Variants in GRID2 observed in about 807,000 individuals in gnomAD.
GRID2 encodes the protein glutamate receptor ionotropic, delta-2.
Under a neutral mutation model 114.8 loss-of-function variants are expected in GRID2, and 33 were observed. That is an observed-to-expected ratio of 0.29 (90% CI 0.22 to 0.38). The LOEUF (loss-of-function observed/expected upper bound fraction) is 0.38, where lower values mean the gene tolerates loss of function less well. Ranked by LOEUF, GRID2 falls within the 10% of genes least tolerant of loss-of-function variation. GRID2 has a pLI of 1.00. For missense variants in GRID2, 1,184 were observed against 1,257.7 expected (o/e 0.94, Z 0.89); for synonymous variants, 505 against 449.9 (o/e 1.12, Z -1.55).
intron 1 of GRID2, among the ~76,000 whole-genome samples, chr4:93,787,431 G>T (rs557833166): frequency 1.3e-5 from 2 of 152,108 alleles, no homozygotes; most frequent in Non-Finnish European, 2.9e-5. Context: ...AATAAGCAAG[G>T]TTCTGTCTAA....
chr4:92,586,247 G>A (rs1048163875), intron 1 of GRID2, among the ~76,000 whole-genome samples: 27 of 151,790 alleles, frequency 1.8e-4, no homozygotes, highest in African/African-American at 6.3e-4. Flanking sequence ...AGTTGGTTAG[G>A]TTAGTGAACT....
At chr4:93,566,547 A>G (rs1735440127) in intron 13 of GRID2, among the ~76,000 whole-genome samples, 1 of 152,086 alleles carries the variant, frequency 6.6e-6, no homozygotes, top group African/African-American at 2.4e-5. Context: ...AGGCGGGTGG[A>G]TTGCTTGAGG....
intron 11 of GRID2, among the ~76,000 whole-genome samples, chr4:93,474,436 A>AAAG (rs1725130165): frequency 6.6e-6 from 1 of 152,154 alleles, no homozygotes; most frequent in South Asian, 2.1e-4. Flanking sequence ...ACTTGGTCTA[A>AAAG]GTAAATTATT....
At chr4:93,146,024 G>A (rs1736196110) in intron 4 of GRID2, among the ~76,000 whole-genome samples, 4 of 151,946 alleles carry the variant, frequency 2.6e-5, no homozygotes, top group Admixed American at 1.3e-4. Flanking sequence ...AAAACTGCAA[G>A]CAAATTCCCA....
At chr4:93,293,836 A>C (rs1579572193) in intron 8 of GRID2, among the ~76,000 whole-genome samples, 1 of 152,194 alleles carries the variant, frequency 6.6e-6, no homozygotes, top group East Asian at 1.9e-4. Context: ...CGTGCCTACT[A>C]TGTGCCAGGC....
intron 2 of GRID2, among the ~76,000 whole-genome samples, chr4:92,622,532 A>G (rs538621121): frequency 5.3e-5 from 8 of 151,774 alleles, no homozygotes; most frequent in Non-Finnish European, 1.0e-4. Flanking sequence ...TTTTGGAATA[A>G]TACTATTTTT....
chr4:92,991,880 C>T lies in GRID2; in HGVS notation c.245-93115C>T, dbSNP rs556130844. On this transcript the variant is annotated intron_variant, in intron 2 of 15. Transcript: ENST00000282020. Reference sequence around the variant, plus strand: ...CAAAACAAACAAACAAAACACATTACCACATTACAGGATACATAGGAGTGA... The same window carrying T: ...CAAAACAAACAAACAAAACACATTATCACATTACAGGATACATAGGAGTGA... Among the ~76,000 whole-genome samples, 209 of 152,188 alleles carry T rather than the reference C, an allele frequency of 1.4e-3. 1 individual carries two copies. Among genetic ancestry groups the T allele is most frequent in the African/African-American group, 4.8e-3 (201 of 41,526 alleles).
intron 1 of GRID2, among the ~76,000 whole-genome samples, chr4:92,559,456 G>A (rs1727013383): frequency 6.6e-6 from 1 of 152,134 alleles, no homozygotes; most frequent in African/African-American, 2.4e-5. Context: ...GCCTCAATGA[G>A]TACTTCCTTT....
chr4:93,616,065 G>A (rs1381655793), intron 13 of GRID2, among the ~76,000 whole-genome samples: 1 of 152,184 alleles, frequency 6.6e-6, no homozygotes, highest in East Asian at 1.9e-4. Context: ...GTCTAAAGGA[G>A]CTAGTTATCT....
intron 3 of GRID2, among the ~76,000 whole-genome samples, chr4:93,102,354 G>C (rs977425793): frequency 6.6e-6 from 1 of 152,124 alleles, no homozygotes; most frequent in Non-Finnish European, 1.5e-5. Flanking sequence ...TGCATAATAA[G>C]TATTGACAAA....
intron 14 of GRID2, among the ~76,000 whole-genome samples, chr4:93,684,392 G>T (rs1414715849): frequency 6.6e-6 from 1 of 152,068 alleles, no homozygotes; most frequent in Admixed American, 6.6e-5. Context: ...ATAATATATT[G>T]ATGCTGAAGG....
At chr4:92,681,425 G>A (rs1306921529) in intron 2 of GRID2, among the ~76,000 whole-genome samples, 4 of 151,986 alleles carry the variant, frequency 2.6e-5, no homozygotes, top group Non-Finnish European at 5.9e-5. Context: ...TTGTCCTTGC[G>A]ATAGTTTGCT....
At chr4:92,991,056 C>T (rs180983510) in intron 2 of GRID2, among the ~76,000 whole-genome samples, 2 of 152,218 alleles carry the variant, frequency 1.3e-5, no homozygotes, top group Admixed American at 6.5e-5. Context: ...ATATTTTCTG[C>T]ATTACGGACA....
intron 13 of GRID2, among the ~76,000 whole-genome samples, chr4:93,615,433 T>C (rs1039612759): frequency 2.6e-5 from 4 of 152,210 alleles, no homozygotes; most frequent in Non-Finnish European, 4.4e-5. Context: ...GTTACAGTTT[T>C]AGTAAAGAAA....
intron 14 of GRID2, among the ~76,000 whole-genome samples, chr4:93,708,661 C>T (rs1308495122): frequency 6.6e-6 from 1 of 152,036 alleles, no homozygotes; most frequent in Non-Finnish European, 1.5e-5. Context: ...AGTCCATTTA[C>T]ATTCAATGTT....
intron 14 of GRID2, among the ~76,000 whole-genome samples, chr4:93,651,476 C>T (rs918753756): frequency 6.6e-6 from 1 of 152,152 alleles, no homozygotes; most frequent in South Asian, 2.1e-4. Context: ...CCTTAAGCTT[C>T]CCTTTCTTCT....
intron 1 of GRID2, among the ~76,000 whole-genome samples, chr4:92,444,218 G>T (rs1733307083): frequency 6.6e-6 from 1 of 152,192 alleles, no homozygotes; most frequent in African/African-American, 2.4e-5. Context: ...GCGCGTCTGT[G>T]TGAAGAGACC....
intron 2 of GRID2, among the ~76,000 whole-genome samples, chr4:93,066,332 C>G (rs1424392052): frequency 6.6e-6 from 1 of 151,898 alleles, no homozygotes; most frequent in Non-Finnish European, 1.5e-5. Flanking sequence ...ACTAAATAGA[C>G]CATTATTTGA....
chr4:92,988,386 C>A (rs2149199074), intron 2 of GRID2, among the ~76,000 whole-genome samples: 1 of 152,250 alleles, frequency 6.6e-6, no homozygotes, highest in Admixed American at 6.5e-5. Flanking sequence ...CACTACATAG[C>A]AACTGATTTC....
Sources: allele counts gnomAD v4.1 joint callset (sites outside exome capture counted in the v4.1 genomes callset), GRCh38; gene constraint gnomAD v4.1.1; transcripts MANE v1.5; gene names NCBI Gene and HGNC (gene_info 2026-07-23, HGNC 2026-07-21).